The following SH3RF3 variants were observed in gnomAD, a reference collection of about 807,000 sequenced individuals.
SH3RF3 encodes E3 ubiquitin-protein ligase SH3RF3.
SH3RF3 carries 29 observed loss-of-function variants against 66.3 expected under a neutral mutation model. The observed-to-expected ratio is 0.44, with a 90% confidence interval of 0.33 to 0.60. The LOEUF (loss-of-function observed/expected upper bound fraction) is 0.60, where lower values mean the gene tolerates loss of function less well. Among genes scored for constraint, SH3RF3 ranks in the 20% least tolerant of loss-of-function variants. The pLI is 0.04. For synonymous variants in SH3RF3, 583 were observed against 532.0 expected, an observed-to-expected ratio of 1.10 and a Z score of -1.32; for missense variants, 1,194 against 1,190.9, an observed-to-expected ratio of 1.00 and a Z score of -0.04.
chr2:109,267,765 C>T (rs1464119303), intron 1 of SH3RF3, among the ~76,000 whole-genome samples: 1 of 152,248 alleles, frequency 6.6e-6, no homozygotes, highest in Admixed American at 6.5e-5. Context: ...GAACACAGTT[C>T]TGCGTCTGTC....
intron 2 of SH3RF3, among the ~76,000 whole-genome samples, chr2:109,354,131 A>G (rs868052902): frequency 5.9e-5 from 9 of 152,310 alleles, no homozygotes; most frequent in African/African-American, 2.2e-4. Context: ...CTGCACCAAA[A>G]GGCTGAGGGA....
intron 3 of SH3RF3, among the ~76,000 whole-genome samples, chr2:109,381,532 C>T (rs905670644): frequency 6.6e-6 from 1 of 152,088 alleles, no homozygotes; most frequent in Non-Finnish European, 1.5e-5. Flanking sequence ...GTGGCCATCA[C>T]GGTGCCCTGA....
intron 1 of SH3RF3, among the ~76,000 whole-genome samples, chr2:109,140,056 G>A (rs977188139): frequency 2.0e-5 from 3 of 152,194 alleles, no homozygotes; most frequent in African/African-American, 4.8e-5. Flanking sequence ...TGACAAGGCT[G>A]GGGTGAAGAG....
chr2:109,470,676 G>A (rs935744636), intron 8 of SH3RF3, among the ~76,000 whole-genome samples: 2 of 152,188 alleles, frequency 1.3e-5, no homozygotes, highest in Non-Finnish European at 2.9e-5. Flanking sequence ...TGCTGTGGCC[G>A]GGGCTGGTGG....
Position 109,286,959 on chromosome 2 carries a change from C to T in SH3RF3, c.574-60715C>T, listed in dbSNP as rs116203052. Among the ~76,000 whole-genome samples, 1,092 of 152,284 alleles carry T rather than the reference C, an allele frequency of 7.2e-3. 3 individuals carry two copies. Among genetic ancestry groups the T allele is most frequent in the Non-Finnish European group, 0.012 (809 of 68,014 alleles). ...TTTGTGGACCCTGCCCAGGTGGTTC[C>T]GCCATCCTCCACAGACTGGCAGCAC... is the stretch of plus-strand genomic sequence containing the variant. On this transcript the variant is annotated intron_variant, in intron 1 of 9. Coordinates refer to ENST00000309415, the MANE Select transcript of SH3RF3 (RefSeq NM_001099289.3).
At chr2:109,499,515 C>A (rs1236987420) in intron 9 of SH3RF3, among the ~76,000 whole-genome samples, 1 of 152,196 alleles carries the variant, frequency 6.6e-6, no homozygotes, top group Admixed American at 6.5e-5. Flanking sequence ...GGGGCCCAGC[C>A]AGGCTTCGGG....
At position 109,298,316 on chromosome 2, in the gene SH3RF3, C is replaced by T. The variant is rs542003142; in HGVS notation, c.574-49358C>T. On this transcript the variant is annotated intron_variant, in intron 1 of 9. Transcript: ENST00000309415. ...GGCTAGACAGGCGGGAAGGGAAGCG[C>T]ATCTATGTCTGTCATCCTTGTCCCT... is the stretch of plus-strand genomic sequence containing the variant. Among the ~76,000 whole-genome samples, 215 of 152,108 alleles carry T rather than the reference C, an allele frequency of 1.4e-3. 3 individuals carry two copies. The highest frequency in any genetic ancestry group is 2.9e-4 in the Non-Finnish European group (20 of 67,994).
In SH3RF3 at chr2:109,490,810, C is replaced by T. The variant is rs960343490; in HGVS notation, c.2354C>T (p.Ala785Val). 6.5e-7 allele frequency: 1 copy of T among 1,536,952 alleles called. No homozygotes were observed. The highest frequency in any genetic ancestry group is 8.7e-7 in the Non-Finnish European group (1 of 1,146,804). Residue 785 changes from alanine to valine, a missense_variant, in exon 9 of 10, where the codon GCC becomes GTC. Physicochemically the swap from Ala to Val is moderately conservative, Grantham distance 64. Coordinates refer to ENST00000309415, the MANE Select transcript of SH3RF3 (RefSeq NM_001099289.3). The stretch of plus-strand genomic sequence containing the variant: ...CCCATAGAGAGCGAGATGCAGGGTG[C>T]CATGGGGATGGAGCCTCTGCACAGG... The part of the protein sequence containing the change: ...SCPIESEMQG[A>V]MGMEPLHRKA...
chr2:109,214,559 A>G (rs1267388568), intron 1 of SH3RF3, among the ~76,000 whole-genome samples: 5 of 152,050 alleles, frequency 3.3e-5, no homozygotes, highest in Admixed American at 6.5e-5. Context: ...TTTCATTGAC[A>G]TGAAACAAAA....
At chr2:109,182,179 A>G (rs1678089211) in intron 1 of SH3RF3, among the ~76,000 whole-genome samples, 1 of 152,132 alleles carries the variant, frequency 6.6e-6, no homozygotes, top group Non-Finnish European at 1.5e-5. Flanking sequence ...TATAAACAAT[A>G]GAAGTGTATT....
At chr2:109,163,420 A>T (rs1677538032) in intron 1 of SH3RF3, among the ~76,000 whole-genome samples, 3 of 60,896 alleles carry the variant, frequency 4.9e-5, no homozygotes, top group African/African-American at 9.4e-5. Flanking sequence ...TTTTTTTGAG[A>T]CGGAGTCTCG....
intron 1 of SH3RF3, among the ~76,000 whole-genome samples, chr2:109,238,710 C>T (rs927665170): frequency 5.3e-5 from 8 of 152,160 alleles, no homozygotes; most frequent in African/African-American, 1.7e-4. Flanking sequence ...GACCGGATGC[C>T]CTTGTTGCTC....
In SH3RF3 at chr2:109,481,545, T is replaced by G. The variant is rs1194734810; in HGVS notation, c.2149-9060T>G. Among the ~76,000 whole-genome samples the G allele has an allele frequency of 1.4e-3, 208 of 152,190 alleles. 1 individual carries two copies. The highest frequency in any genetic ancestry group is 4.5e-3 in the African/African-American group (188 of 41,532). The stretch of plus-strand genomic sequence containing the variant: ...AAGTTTCCAGAAGGCTGTAGATGCG[T>G]AGCTGGCTGTCCAGTCCCATTGCAT... On this transcript the variant is annotated intron_variant, in intron 8 of 9. Transcript: ENST00000309415.
At chr2:109,272,633 C>T (rs747763138) in intron 1 of SH3RF3, among the ~76,000 whole-genome samples, 11 of 152,356 alleles carry the variant, frequency 7.2e-5, no homozygotes, top group East Asian at 1.9e-4. Flanking sequence ...TGCTTCCGCA[C>T]AGACACAGCT....
chr2:109,382,172 G>C (rs992842077), intron 3 of SH3RF3, among the ~76,000 whole-genome samples: 1 of 152,218 alleles, frequency 6.6e-6, no homozygotes, highest in Non-Finnish European at 1.5e-5. Context: ...AGGGAGTTTA[G>C]CAAGAGTGTG....
chr2:109,138,671 C>T (rs991960761), intron 1 of SH3RF3, among the ~76,000 whole-genome samples: 7 of 152,238 alleles, frequency 4.6e-5, no homozygotes, highest in Non-Finnish European at 1.0e-4. Context: ...GGTCTGCACA[C>T]CCTGCCTGCA....
intron 8 of SH3RF3, among the ~76,000 whole-genome samples, chr2:109,482,319 C>G (rs371061120): frequency 1.3e-5 from 2 of 152,086 alleles, no homozygotes; most frequent in Non-Finnish European, 2.9e-5. Context: ...TTATGTAGTC[C>G]GTTTTACACA....
intron 1 of SH3RF3, among the ~76,000 whole-genome samples, chr2:109,298,700 GT>G (rs1681386196): frequency 6.6e-6 from 1 of 151,942 alleles, no homozygotes; most frequent in Non-Finnish European, 1.5e-5. Context: ...GTCCAGGTCC[GT>G]TTCCCCACAC....
chr2:109,359,665 AT>A (rs910054967), intron 2 of SH3RF3, among the ~76,000 whole-genome samples: 1 of 152,140 alleles, frequency 6.6e-6, no homozygotes, highest in Non-Finnish European at 1.5e-5. Context: ...AAAATCCAAA[AT>A]TTTTTGAGCA....
Sources: allele counts gnomAD v4.1 joint callset (sites outside exome capture counted in the v4.1 genomes callset), GRCh38; gene constraint gnomAD v4.1.1; transcripts MANE v1.5; gene names NCBI Gene and HGNC (gene_info 2026-07-23, HGNC 2026-07-21).